The following AUTS2 variants were observed in gnomAD, a reference collection of about 807,000 sequenced individuals.
AUTS2 encodes activator of transcription and developmental regulator AUTS2.
In AUTS2, 17 loss-of-function variants were observed where a neutral mutation model predicts 112.4. That is an observed-to-expected ratio of 0.15 (90% CI 0.10 to 0.23). The LOEUF is 0.23. Among genes scored for constraint, AUTS2 ranks in the 10% least tolerant of loss-of-function variants. AUTS2 has a pLI of 1.00. For missense variants in AUTS2, 1,510 were observed against 1,701.6 expected, an observed-to-expected ratio of 0.89 and a Z score of 1.98; for synonymous variants, 751 against 702.7, an observed-to-expected ratio of 1.07 and a Z score of -1.09.
At chr7:70,182,784 A>T (rs939013107) in intron 4 of AUTS2, among the ~76,000 whole-genome samples, 1 of 135,236 alleles carries the variant, frequency 7.4e-6, no homozygotes, top group East Asian at 2.0e-4. Flanking sequence ...GATTCTTCAT[A>T]AAAAAAAAAA....
At chr7:70,334,637 G>A (rs1039733574) in intron 4 of AUTS2, among the ~76,000 whole-genome samples, 4 of 152,010 alleles carry the variant, frequency 2.6e-5, no homozygotes, top group Non-Finnish European at 5.9e-5. Context: ...GGAATTGTAC[G>A]CCTTGCTCAT....
At chr7:70,341,990 T>A (rs566552486) in intron 4 of AUTS2, among the ~76,000 whole-genome samples, 27 of 152,312 alleles carry the variant, frequency 1.8e-4, no homozygotes, top group African/African-American at 5.5e-4. Context: ...CATGGCTGCC[T>A]CTCTGGAGGG....
At chr7:69,826,068 T>C (rs982419149) in intron 1 of AUTS2, among the ~76,000 whole-genome samples, 1 of 152,178 alleles carries the variant, frequency 6.6e-6, no homozygotes, top group African/African-American at 2.4e-5. Context: ...CCTTTTTAGG[T>C]AGCCCATATT....
At chr7:70,235,859 T>G (rs1427161154) in intron 4 of AUTS2, among the ~76,000 whole-genome samples, 1 of 152,008 alleles carries the variant, frequency 6.6e-6, no homozygotes, top group Non-Finnish European at 1.5e-5. Context: ...GTGATTTCAC[T>G]GTGTTGGCCA....
At chr7:70,192,860 G>C (rs2129583691) in intron 4 of AUTS2, among the ~76,000 whole-genome samples, 1 of 152,296 alleles carries the variant, frequency 6.6e-6, no homozygotes, top group South Asian at 2.1e-4. Flanking sequence ...ACATGGACGG[G>C]GGGAGTCAAA....
At chr7:70,365,417 A>G (rs1430542655) in intron 4 of AUTS2, among the ~76,000 whole-genome samples, 1 of 152,254 alleles carries the variant, frequency 6.6e-6, no homozygotes, top group Non-Finnish European at 1.5e-5. Flanking sequence ...TTGTCCATAC[A>G]TTTGCATGTG....
intron 2 of AUTS2, among the ~76,000 whole-genome samples, chr7:69,979,609 A>G (rs547185589): frequency 4.6e-5 from 7 of 152,340 alleles, no homozygotes; most frequent in Admixed American, 4.6e-4. Flanking sequence ...AATCAAAGAC[A>G]TGATTCCAGA....
chr7:70,163,975 G>T (rs916770230), intron 4 of AUTS2, among the ~76,000 whole-genome samples: 5 of 152,174 alleles, frequency 3.3e-5, no homozygotes, highest in Non-Finnish European at 7.4e-5. Context: ...TAACAGGCTT[G>T]CAGTCTACTG....
intron 5 of AUTS2, among the ~76,000 whole-genome samples, chr7:70,475,893 G>A (rs555180529): frequency 5.9e-5 from 9 of 152,224 alleles, no homozygotes; most frequent in African/African-American, 2.2e-4. Flanking sequence ...CCCAGGTATG[G>A]TGGTGGGTGC....
At chr7:69,650,128 G>A (rs1795227158) in intron 1 of AUTS2, among the ~76,000 whole-genome samples, 1 of 152,036 alleles carries the variant, frequency 6.6e-6, no homozygotes, top group Non-Finnish European at 1.5e-5. Flanking sequence ...TCATTTATTG[G>A]GATGATTAAC....
chr7:70,647,900 G>T (rs1806260595), intron 5 of AUTS2, among the ~76,000 whole-genome samples: 1 of 152,146 alleles, frequency 6.6e-6, no homozygotes, highest in South Asian at 2.1e-4. Flanking sequence ...GAAGTCCATT[G>T]TACTGATTAG....
At chr7:69,609,407 G>A (rs1792905315) in intron 1 of AUTS2, among the ~76,000 whole-genome samples, 1 of 152,062 alleles carries the variant, frequency 6.6e-6, no homozygotes, top group Admixed American at 6.5e-5. Context: ...AAATTAGTTG[G>A]CCTTTCTCTG....
chr7:70,533,349 C>T (rs1278766686), intron 5 of AUTS2, among the ~76,000 whole-genome samples: 5 of 152,232 alleles, frequency 3.3e-5, no homozygotes, highest in Admixed American at 6.5e-5. Context: ...CCTGGGCACA[C>T]GCGATCCTCA....
intron 5 of AUTS2, among the ~76,000 whole-genome samples, chr7:70,589,212 C>T (rs968516828): frequency 6.6e-6 from 1 of 152,240 alleles, no homozygotes; most frequent in Non-Finnish European, 1.5e-5. Context: ...GCAATCCGCT[C>T]CTTCCAACTG....
intron 4 of AUTS2, among the ~76,000 whole-genome samples, chr7:70,418,701 C>T (rs549106392): frequency 4.2e-4 from 64 of 151,474 alleles, no homozygotes; most frequent in Non-Finnish European, 7.8e-4. Flanking sequence ...GTTTACATGC[C>T]GTTGTGCATG....
intron 5 of AUTS2, among the ~76,000 whole-genome samples, chr7:70,468,032 C>T (rs1186438627): frequency 5.3e-5 from 8 of 152,076 alleles, no homozygotes; most frequent in African/African-American, 1.9e-4. Flanking sequence ...GGCTTGAGGC[C>T]GAAGGAGGGC....
At chr7:69,715,044 C>A (rs2129206646) in intron 1 of AUTS2, among the ~76,000 whole-genome samples, 1 of 151,906 alleles carries the variant, frequency 6.6e-6, no homozygotes, top group South Asian at 2.1e-4. Context: ...CCTGCAGTAT[C>A]CTCAGTTGTG....
At chr7:69,727,601 TA>T (rs564683867) in intron 1 of AUTS2, among the ~76,000 whole-genome samples, 10 of 151,702 alleles carry the variant, frequency 6.6e-5, no homozygotes, top group Non-Finnish European at 1.5e-4. Context: ...AAAATAAAAA[TA>T]AAAAAAATAA....
Position 70,631,922 on chromosome 7 carries a change from G to A in AUTS2, c.691-66647G>A, listed in dbSNP as rs1379026517. 6.6e-6 allele frequency among the ~76,000 whole-genome samples: 1 copy of A among 152,016 alleles called. No individual in the cohort carries two copies. Among genetic ancestry groups the A allele is most frequent in the African/African-American group, 2.4e-5 (1 of 41,388 alleles). ...GAGGGGAGACTGCCTGTGGTGAAAA[G>A]GACAAGGAGATTTGCATCTCTGGCC... On this transcript the variant is annotated intron_variant, in intron 5 of 18. Coordinates refer to ENST00000342771, the MANE Select transcript of AUTS2 (RefSeq NM_015570.4). This position sits in a 1 kb window ranked among gnomAD's most constrained non-coding sequence, Gnocchi z 4.5.
Sources: allele counts gnomAD v4.1 joint callset (sites outside exome capture counted in the v4.1 genomes callset), GRCh38; gene constraint gnomAD v4.1.1; non-coding constraint Gnocchi (gnomAD v3.1); transcripts MANE v1.5; gene names NCBI Gene and HGNC (gene_info 2026-07-23, HGNC 2026-07-21).